The following NLGN3 variants were observed in gnomAD, a reference collection of about 807,000 sequenced individuals.
NLGN3 encodes the protein neuroligin-3.
Under a neutral mutation model 42.9 loss-of-function variants are expected in NLGN3, and 11 were observed. The observed-to-expected ratio is 0.26, with a 90% CI of 0.16 to 0.42. The LOEUF (loss-of-function observed/expected upper bound fraction) is 0.42, where lower values mean the gene tolerates loss of function less well. NLGN3 is among the 10% of genes least tolerant of loss of function. The pLI, the probability that NLGN3 is intolerant of heterozygous loss-of-function variation, is 1.00. For missense variants in NLGN3, 374 were observed against 733.8 expected (o/e 0.51, Z 5.67); for synonymous variants, 279 against 312.7 (o/e 0.89, Z 1.14).
chrX:71,151,350 C>T (rs1482335131), intron 3 of NLGN3, among the ~76,000 whole-genome samples: 2 of 112,105 alleles, frequency 1.8e-5, no homozygotes, highest in African/African-American at 6.5e-5. Flanking sequence ...TCCCTAAGTC[C>T]CATGGGCCAA....
intron 5 of NLGN3, among the ~76,000 whole-genome samples, chrX:71,163,296 T>A (rs1301949659): frequency 1.8e-5 from 2 of 112,195 alleles, no homozygotes; most frequent in African/African-American, 6.5e-5. Flanking sequence ...AAAGATGGTC[T>A]GACCCAGTGG....
intron 1 of NLGN3, among the ~76,000 whole-genome samples, chrX:71,145,758 G>A (rs2092364032): frequency 1.0e-5 from 1 of 100,364 alleles, no homozygotes; most frequent in African/African-American, 3.7e-5. Context: ...AGGGCATCCC[G>A]AAAGGGTTAA....
Position 71,146,279 on chromosome X carries a change from C to T in NLGN3, c.-200-1271C>T, listed in dbSNP as rs1373047139. Among the ~76,000 whole-genome samples, 3 of 106,048 alleles carry T rather than the reference C, an allele frequency of 2.8e-5. No homozygotes were observed. The South Asian group carries it at 1.3e-3, about 45-fold the overall frequency. 92.1% of individuals were successfully genotyped at this position (106,048 alleles called of 115,157 possible). The stretch of plus-strand genomic sequence containing the variant: ...GGGCGTTCCCAATCTCCCTCCCCCA[C>T]CCCTTCAGCCAGTTCTTAAAGGAGC... On this transcript the variant is annotated intron_variant, in intron 1 of 7. Transcript: ENST00000358741.
At chrX:71,158,033 C>A (rs1052455574) in intron 5 of NLGN3, among the ~76,000 whole-genome samples, 1 of 108,729 alleles carries the variant, frequency 9.2e-6, no homozygotes, top group African/African-American at 3.4e-5. Context: ...GGCTGGAAAC[C>A]CACACACTAG....
intron 7 of NLGN3, among the ~76,000 whole-genome samples, chrX:71,168,808 G>GAGAAAAA (rs2092456525): frequency 9.8e-5 from 4 of 40,847 alleles, no homozygotes; most frequent in South Asian, 1.1e-3. Context: ...GAGAAAGAAA[G>GAGAAAAA]AAAGAGAAAA....
At chrX:71,175,289 TAA>T (rs1324979130), downstream of NLGN3, among the ~76,000 whole-genome samples, 1 of 111,746 alleles carries the variant, frequency 8.9e-6, no homozygotes, top group Non-Finnish European at 1.9e-5. Flanking sequence ...AAAATTATAA[TAA>T]AAGTTTCAGC....
At chrX:71,172,254 A>G (rs778251034), downstream of NLGN3, among the ~76,000 whole-genome samples, 9 of 111,303 alleles carry the variant, frequency 8.1e-5, no homozygotes, top group African/African-American at 2.9e-4. Flanking sequence ...TCCAAAACTA[A>G]TGTGGATCCT....
intron 5 of NLGN3, among the ~76,000 whole-genome samples, chrX:71,161,115 CTT>C (rs375604446): frequency 2.2e-4 from 20 of 91,166 alleles, no homozygotes; most frequent in Admixed American, 7.5e-4. Flanking sequence ...TCTTTTCTTT[CTT>C]TTTTTTTTTT....
chrX:71,165,780 T>A (rs991927094), intron 6 of NLGN3, among the ~76,000 whole-genome samples: 2 of 111,540 alleles, frequency 1.8e-5, no homozygotes, highest in African/African-American at 3.3e-5. Flanking sequence ...GCGATCTGCC[T>A]ACCTCGGCCT....
chrX:71,153,225 G>A (rs1042254374), intron 3 of NLGN3, among the ~76,000 whole-genome samples: 2 of 112,778 alleles, frequency 1.8e-5, no homozygotes, highest in South Asian at 3.6e-4. Context: ...GAGATGGGCT[G>A]TTGGGGACAA....
chrX:71,165,846 C>T lies in NLGN3; in HGVS notation c.914-1165C>T, dbSNP rs190238212. On this transcript the variant is annotated intron_variant, in intron 6 of 7. Coordinates refer to ENST00000358741, the MANE Select transcript of NLGN3 (RefSeq NM_181303.2). ...ACTGTGCCTGGCCGAGGTTTGACTT[C>T]TTTAAAGATCTGTTCTCTCTGTTTT... Among the ~76,000 whole-genome samples the T allele has an allele frequency of 1.4e-4, 16 of 111,598 alleles. No individual in the cohort carries two copies. In the East Asian group the frequency reaches 3.1e-3, roughly 22 times the overall value.
intron 3 of NLGN3, 108 bp from the exon 4 acceptor site, chrX:71,153,369 G>T (rs2092397504): frequency 2.5e-6 from 2 of 811,035 alleles, no homozygotes; most frequent in Admixed American, 2.6e-5. Context: ...CTGGGCCCAG[G>T]CCCGGAGCTG....
At chrX:71,155,818 G>A (rs2092406726) in intron 5 of NLGN3, among the ~76,000 whole-genome samples, 1 of 110,629 alleles carries the variant, frequency 9.0e-6, no homozygotes, top group Non-Finnish European at 1.9e-5. Context: ...CCTGCAGGAA[G>A]ACGGTGATTT....
intron 6 of NLGN3, 121 bp from the exon 7 acceptor site, chrX:71,166,890 G>T: frequency 4.8e-6 from 3 of 631,235 alleles, no homozygotes; most frequent in Non-Finnish European, 7.5e-6. Flanking sequence ...CCTGCCAAAA[G>T]AGTTGTTCCC....
chrX:71,152,718 TTC>T (rs1556345401), intron 3 of NLGN3, among the ~76,000 whole-genome samples: 1 of 111,158 alleles, frequency 9.0e-6, no homozygotes, highest in African/African-American at 3.3e-5. Flanking sequence ...TCTATTTTTT[TTC>T]TCTCTCTCTC....
At chrX:71,171,725 A>G (rs910672350), downstream of NLGN3, 1 of 705,180 alleles carries the variant, frequency 1.4e-6, no homozygotes, top group East Asian at 1.6e-4. Context: ...CCCCAGGGAT[A>G]CTTGTTTGCT....
Position 71,147,854 on chromosome X carries a change from C to A in NLGN3, c.105C>A (p.Ala35=). The part of the protein sequence containing the change: ...TLWFLSLALR[A]STQAPAPTVN... ...GGTTCCTCAGTTTGGCGCTGAGGGC[C>A]AGTACCCAGGCCCCAGCACCCACAG... Residue 35 remains alanine, a synonymous_variant, in exon 2 of 8, where the codon GCC becomes GCA. Transcript: ENST00000358741. 8.3e-7 allele frequency: 1 copy of A among 1,208,172 alleles called. No individual in the cohort carries two copies. The highest frequency in any genetic ancestry group is 1.7e-5 in the African/African-American group (1 of 57,779).
rs372394244 is a variant in NLGN3 at position 71,161,034 on chromosome X, G to C, written c.728-3109G>C. The stretch of plus-strand genomic sequence containing the variant: ...GACCTCTCCCAGAATGCCAGATATT[G>C]TGTGCTTGTGGTTGGTCAGGTTTGC... On this transcript the variant is annotated intron_variant, in intron 5 of 7. Coordinates refer to ENST00000358741, the MANE Select transcript of NLGN3 (RefSeq NM_181303.2). 9.9e-5 allele frequency among the ~76,000 whole-genome samples: 11 copies of C among 111,571 alleles called. No homozygotes were observed. The East Asian group carries it at 2.5e-3, about 25-fold the overall frequency.
downstream of NLGN3, among the ~76,000 whole-genome samples, chrX:71,174,702 G>A (rs760800228): frequency 1.8e-5 from 2 of 112,042 alleles, no homozygotes; most frequent in African/African-American, 6.5e-5. Flanking sequence ...TACATGTGGG[G>A]TGGGTAAAGG....
Sources: allele counts gnomAD v4.1 joint callset (sites outside exome capture counted in the v4.1 genomes callset), GRCh38; gene constraint gnomAD v4.1.1; transcripts MANE v1.5; gene names NCBI Gene and HGNC (gene_info 2026-07-23, HGNC 2026-07-21).